The following MFSD11 variants were observed in gnomAD, a reference collection of about 807,000 sequenced individuals.
MFSD11 encodes the protein major facilitator superfamily domain containing 11.
In MFSD11, 36 loss-of-function variants were observed where a neutral mutation model predicts 53.5. The observed-to-expected ratio is 0.67, with a 90% CI of 0.52 to 0.89. MFSD11 has a LOEUF of 0.89. Among genes scored for constraint, MFSD11 ranks in the 40% least tolerant of loss-of-function variants. The probability of loss-of-function intolerance (pLI) is 0.00; values close to 1 mark genes in which losing one functional copy is unlikely to be tolerated. For missense variants in MFSD11, 530 were observed against 543.9 expected (o/e 0.97, Z 0.25); for synonymous variants, 186 against 184.9 (o/e 1.01, Z -0.05).
the MFSD11 span, among the ~76,000 whole-genome samples, chr17:76,797,193 G>T: frequency 6.6e-6 from 1 of 152,062 alleles, no homozygotes; most frequent in South Asian, 2.1e-4. Flanking sequence ...AAAGAAAAAA[G>T]AAAAGAAAGT....
intron 7 of MFSD11, among the ~76,000 whole-genome samples, chr17:76,748,523 TAA>T (rs551075064): frequency 3.6e-5 from 5 of 140,268 alleles, no homozygotes; most frequent in Admixed American, 7.1e-5. Flanking sequence ...AGTCTCTACT[TAA>T]AAAAAAAAAA....
the MFSD11 span, among the ~76,000 whole-genome samples, chr17:76,791,534 A>G: frequency 6.7e-6 from 1 of 148,936 alleles, no homozygotes; most frequent in Non-Finnish European, 1.5e-5. Flanking sequence ...TTGAGGAAAA[A>G]ACAGATGTTT....
intron 7 of MFSD11, among the ~76,000 whole-genome samples, chr17:76,748,708 A>C (rs544980166): frequency 9.5e-5 from 7 of 73,536 alleles, no homozygotes; most frequent in Non-Finnish European, 1.8e-4. Flanking sequence ...TCTGTCCTCT[A>C]TCTCAAGTGC....
intron 8 of MFSD11, among the ~76,000 whole-genome samples, chr17:76,755,141 C>T (rs1478741237): frequency 2.0e-5 from 3 of 151,508 alleles, no homozygotes; most frequent in Non-Finnish European, 4.4e-5. Flanking sequence ...TGCTTGAACC[C>T]AGGAGGTGGA....
downstream of MFSD11, chr17:76,781,105 C>T (rs2144989061): frequency 6.6e-6 from 1 of 152,302 alleles, no homozygotes; most frequent in East Asian, 1.9e-4. Flanking sequence ...AGGCTGCAGT[C>T]CATGTCTCTG....
chr17:76,738,547 G>A lies in MFSD11; in HGVS notation c.96+99G>A, dbSNP rs1448891540. The stretch of plus-strand genomic sequence containing the variant: ...TTATATCTAATAGCGCGCTTTAATT[G>A]CATCTTTCATTTTTCCCACCCAGAC... On this transcript the variant is annotated intron_variant, in intron 1 of 12. Coordinates refer to ENST00000685175, the MANE Select transcript of MFSD11 (RefSeq NM_001242532.5). The A allele has an allele frequency of 3.0e-5, 25 of 833,880 alleles. No homozygotes were observed. In the Admixed American group the frequency reaches 6.6e-4, roughly 22 times the overall value. 51.7% of individuals were successfully genotyped at this position (833,880 alleles called of 1,614,324 possible).
At chr17:76,801,445 ATTTTT>A in the MFSD11 span, among the ~76,000 whole-genome samples, 10 of 106,954 alleles carry the variant, frequency 9.3e-5, no homozygotes, top group Admixed American at 1.1e-4. Flanking sequence ...GCAGAGCAGC[ATTTTT>A]TTTTTTTTTT....
intron 8 of MFSD11, among the ~76,000 whole-genome samples, chr17:76,754,420 C>G (rs1460656014): frequency 2.0e-5 from 3 of 152,108 alleles, no homozygotes; most frequent in Non-Finnish European, 4.4e-5. Flanking sequence ...CAGTGACTCG[C>G]GCCTGTAATC....
chr17:76,778,753 T>TG lies in MFSD11; in HGVS notation c.*404dup. ...TGGAGTATGTTTTGCCATGTAATAA[T>TG]GGGAAGCATATGTCATTCCCCATAT... On this transcript the variant is annotated 3_prime_UTR_variant, in exon 13 of 13. Coordinates refer to ENST00000685175, the MANE Select transcript of MFSD11 (RefSeq NM_001242532.5). 1 of 165,876 alleles carries TG rather than the reference T, an allele frequency of 6.0e-6. No homozygotes were observed. The highest frequency in any genetic ancestry group is 1.6e-4 in the South Asian group (1 of 6,172). 10.3% of individuals were successfully genotyped at this position (165,876 alleles called of 1,614,324 possible). A position where few individuals can be genotyped will look rare whatever the true frequency, so the allele number is the denominator to read the frequency against.
chr17:76,785,365 C>G (rs1231020469), downstream of MFSD11, among the ~76,000 whole-genome samples: 1 of 152,122 alleles, frequency 6.6e-6, no homozygotes, highest in Admixed American at 6.6e-5. Flanking sequence ...GAGGCAGGGT[C>G]TTGCTCTGTC....
chr17:76,754,722 T>A (rs1265378832), intron 8 of MFSD11, among the ~76,000 whole-genome samples: 1 of 151,402 alleles, frequency 6.6e-6, no homozygotes, highest in Non-Finnish European at 1.5e-5. Flanking sequence ...TGCTACTTCT[T>A]GGAGCAAAGC....
At chr17:76,785,960 T>A (rs1317734308), downstream of MFSD11, among the ~76,000 whole-genome samples, 1 of 149,746 alleles carries the variant, frequency 6.7e-6, no homozygotes, top group East Asian at 2.0e-4. Flanking sequence ...GCACCTGTAA[T>A]CCTACTTGGG....
downstream of MFSD11, chr17:76,781,198 A>C (rs1218184237): frequency 1.3e-5 from 2 of 152,328 alleles, no homozygotes; most frequent in African/African-American, 4.8e-5. Context: ...TGCAGGAGTC[A>C]GTTCCTCACA....
At chr17:76,737,509 C>T (rs996878051), upstream of MFSD11, 7 of 308,726 alleles carry the variant, frequency 2.3e-5, no homozygotes, top group African/African-American at 1.1e-4. Flanking sequence ...CCAAAAAGCG[C>T]GGAGTCACGG....
chr17:76,782,863 T>C (rs907647258), downstream of MFSD11, among the ~76,000 whole-genome samples: 6 of 152,092 alleles, frequency 3.9e-5, no homozygotes, highest in African/African-American at 1.4e-4. Flanking sequence ...TCTTTTAAAT[T>C]CTTTGCATTA....
At chr17:76,783,480 C>A (rs2145003489), downstream of MFSD11, among the ~76,000 whole-genome samples, 1 of 152,274 alleles carries the variant, frequency 6.6e-6, no homozygotes, top group East Asian at 1.9e-4. Flanking sequence ...GCTTCGGCTG[C>A]CCACACAGGA....
At chr17:76,741,885 G>A (rs942096067) in intron 3 of MFSD11, 84 bp from the exon 4 acceptor site, 2 of 1,604,424 alleles carry the variant, frequency 1.2e-6, no homozygotes, top group Non-Finnish European at 1.7e-6. Context: ...AGAAGAGAAT[G>A]TCAGAACTGA....
At chr17:76,767,289 A>G (rs541325613) in intron 8 of MFSD11, 97 bp from the exon 9 acceptor site, 1 of 694,340 alleles carries the variant, frequency 1.4e-6, no homozygotes, top group South Asian at 1.7e-5. Flanking sequence ...GTTTACTGGC[A>G]TTATTGACAA....
chr17:76,767,500 G>A, intron 9 of MFSD11, 49 bp downstream of exon 9: 2 of 1,242,982 alleles, frequency 1.6e-6, no homozygotes, highest in Non-Finnish European at 2.3e-6. Flanking sequence ...ATGACAATAA[G>A]GAGTTGAAAA....
Sources: gnomAD v4.1 joint callset for allele counts (sites outside exome capture counted in the v4.1 genomes callset) on GRCh38, gnomAD v4.1.1 for gene constraint, MANE v1.5 for transcripts, NCBI Gene and HGNC (gene_info 2026-07-23, HGNC 2026-07-21) for gene names.